ZNF487: variants seen among roughly 807,000 people sequenced by gnomAD.
ZNF487 encodes zinc finger protein 487.
A neutral mutation model predicts 3.0 loss-of-function variants in ZNF487; 4 were observed. The ratio of observed to expected loss-of-function variants is 1.35; its 90% confidence interval spans 0.66 to 3.08. The LOEUF (loss-of-function observed/expected upper bound fraction) is 3.08, where lower values mean the gene tolerates loss of function less well. ZNF487 is among the 30% of genes most tolerant of loss of function. The probability of loss-of-function intolerance (pLI) is 0.01; values close to 1 mark genes in which losing one functional copy is unlikely to be tolerated. For synonymous variants in ZNF487, 55 were observed against 34.6 expected (o/e 1.59, Z -2.06); for missense variants, 146 against 98.7 (o/e 1.48, Z -2.03).
chr10:43,447,350 C>G (rs1413489060), intron 1 of ZNF487, among the ~76,000 whole-genome samples: 2 of 152,082 alleles, frequency 1.3e-5, no homozygotes, highest in Non-Finnish European at 2.9e-5. Context: ...TCAAGTGATT[C>G]TCCTGCCTTA....
intron 1 of ZNF487, among the ~76,000 whole-genome samples, chr10:43,444,545 A>C (rs763294724): frequency 2.0e-5 from 3 of 151,720 alleles, no homozygotes; most frequent in Non-Finnish European, 4.4e-5. Flanking sequence ...AGCTTCTTGG[A>C]ATTATAGGTT....
intron 1 of ZNF487, among the ~76,000 whole-genome samples, chr10:43,445,019 C>T (rs927164812): frequency 2.0e-5 from 3 of 151,996 alleles, no homozygotes; most frequent in African/African-American, 7.3e-5. Flanking sequence ...ATGTTCTTTT[C>T]ATTGTTTTGG....
chr10:43,444,522 T>G (rs969022879), intron 1 of ZNF487, among the ~76,000 whole-genome samples: 2 of 152,114 alleles, frequency 1.3e-5, no homozygotes, highest in African/African-American at 4.8e-5. Context: ...TTTCCTTTGT[T>G]TAGGTTTCAT....
the ZNF487 span, among the ~76,000 whole-genome samples, chr10:43,517,800 TC>T: frequency 1.3e-5 from 2 of 152,180 alleles, no homozygotes; most frequent in African/African-American, 2.4e-5. Flanking sequence ...GGGGTGGCTT[TC>T]TTTGTTCTCA....
the ZNF487 span, among the ~76,000 whole-genome samples, chr10:43,492,992 A>T: frequency 6.6e-6 from 1 of 152,054 alleles, no homozygotes; most frequent in East Asian, 1.9e-4. Flanking sequence ...GCACTTTTGG[A>T]GGCCGAGGCA....
downstream of ZNF487, among the ~76,000 whole-genome samples, chr10:43,486,765 G>A (rs184365966): frequency 9.9e-4 from 151 of 152,204 alleles, no homozygotes; most frequent in Middle Eastern, 3.4e-3. Context: ...CTTGGTTATA[G>A]AAAACTATTA....
chr10:43,439,181 G>T (rs1264287137), intron 1 of ZNF487, among the ~76,000 whole-genome samples: 1 of 152,046 alleles, frequency 6.6e-6, no homozygotes, highest in Non-Finnish European at 1.5e-5. Context: ...GGCCGAGGTT[G>T]CAGTGAGCCG....
intron 1 of ZNF487, chr10:43,453,755 C>CA (rs1427032774): frequency 2.8e-5 from 4 of 140,470 alleles, no homozygotes; most frequent in Non-Finnish European, 6.3e-5. Flanking sequence ...GAAGAGCTAG[C>CA]AGCCTGCACT....
At chr10:43,483,527 CA>C (rs1467104086), downstream of ZNF487, among the ~76,000 whole-genome samples, 1 of 64,886 alleles carries the variant, frequency 1.5e-5, no homozygotes, top group Non-Finnish European at 3.1e-5. Context: ...CCACCATGCC[CA>C]GCCCTTCTTT....
At chr10:43,493,498 A>T in the ZNF487 span, among the ~76,000 whole-genome samples, 1 of 151,638 alleles carries the variant, frequency 6.6e-6, no homozygotes, top group African/African-American at 2.4e-5. Context: ...AGTTCAGATC[A>T]GCCTGGGCGA....
At chr10:43,466,126 G>C (rs113454715) in intron 1 of ZNF487, among the ~76,000 whole-genome samples, 2 of 150,454 alleles carry the variant, frequency 1.3e-5, no homozygotes, top group Admixed American at 1.3e-4. Context: ...GCAGTGAGCC[G>C]AGATGGCAGC....
At chr10:43,490,026 A>G in the ZNF487 span, among the ~76,000 whole-genome samples, 2 of 152,320 alleles carry the variant, frequency 1.3e-5, no homozygotes, top group African/African-American at 2.4e-5. Context: ...AGAAACTCAT[A>G]TTAATATAAA....
the ZNF487 span, among the ~76,000 whole-genome samples, chr10:43,518,153 T>C: frequency 1.7e-4 from 26 of 152,142 alleles, no homozygotes; most frequent in African/African-American, 5.6e-4. Flanking sequence ...GTAACAGGTG[T>C]CAAGGCCACA....
chr10:43,513,659 C>T, the ZNF487 span, among the ~76,000 whole-genome samples: 1 of 152,308 alleles, frequency 6.6e-6, no homozygotes, highest in East Asian at 1.9e-4. Context: ...AGCCCTTATC[C>T]TACCAGTCAG....
chr10:43,488,408 G>A, the ZNF487 span, among the ~76,000 whole-genome samples: 434 of 152,224 alleles, frequency 2.9e-3, 2 homozygotes, highest in Non-Finnish European at 3.9e-3. Flanking sequence ...GCAGGACAAG[G>A]TTAGGATAAA....
chr10:43,521,191 C>T, the ZNF487 span, among the ~76,000 whole-genome samples: 1 of 152,114 alleles, frequency 6.6e-6, no homozygotes, highest in East Asian at 1.9e-4. Context: ...AGGGTTAGTT[C>T]CTGCCAGCCT....
At chr10:43,488,216 G>A in the ZNF487 span, among the ~76,000 whole-genome samples, 52 of 151,968 alleles carry the variant, frequency 3.4e-4, 1 homozygote, top group Middle Eastern at 3.4e-3. Flanking sequence ...ATAAAACTTT[G>A]GACTTAAGAT....
At chr10:43,457,489 AG>A (rs1840252060) in intron 1 of ZNF487, among the ~76,000 whole-genome samples, 1 of 140,410 alleles carries the variant, frequency 7.1e-6, no homozygotes, top group African/African-American at 2.6e-5. Flanking sequence ...CTGGAGGTGG[AG>A]GTTGCAGTGA....
chr10:43,481,499 T>C lies in ZNF487; in HGVS notation c.201T>C (p.Asp67=), dbSNP rs1054039364. ...AAGACCAGCATTTGCAGAAAGTTGA[T>C]TTTGTCAACAATAAAACACTGACTA... ...ENQDQHLQKV[D]FVNNKTLTMD... Residue 67 remains aspartate, a synonymous_variant, in exon 4 of 4, where the codon GAT becomes GAC. Transcript: ENST00000437590. The C allele has an allele frequency of 7.0e-6, 5 of 717,078 alleles. No individual in the cohort carries two copies. Among genetic ancestry groups the C allele is most frequent in the African/African-American group, 5.2e-5 (3 of 57,258 alleles). The allele number at this position is 717,078 out of a possible 1,614,324, so 44.4% of individuals were successfully genotyped here. A position where few individuals can be genotyped will look rare whatever the true frequency, so the allele number is the denominator to read the frequency against.
Sources: allele counts gnomAD v4.1 joint callset (sites outside exome capture counted in the v4.1 genomes callset), GRCh38; gene constraint gnomAD v4.1.1; transcripts MANE v1.5; gene names NCBI Gene and HGNC (gene_info 2026-07-23, HGNC 2026-07-21).